Variants in PCA3 observed in about 807,000 individuals in gnomAD.
PCA3 encodes prostate cancer associated 3.
At chr9:76,785,342 G>A (rs952999901) in intron 2 of PCA3, 2 of 152,188 alleles carry the variant, frequency 1.3e-5, no homozygotes, top group Non-Finnish European at 2.9e-5. Context: ...AGTGTAATTT[G>A]ATTATAAGAG....
chr9:76,766,947 ATTGT>A (rs1340543970), intron 2 of PCA3, among the ~76,000 whole-genome samples: 2 of 151,844 alleles, frequency 1.3e-5, no homozygotes, highest in African/African-American at 2.4e-5. Context: ...TTCCTTATTT[ATTGT>A]TTATCATCTA....
chr9:76,786,672 C>T (rs1018295470), intron 2 of PCA3: 13 of 152,262 alleles, frequency 8.5e-5, no homozygotes, highest in African/African-American at 3.1e-4. Flanking sequence ...ATCCCCACCA[C>T]TAACCTGAAT....
At chr9:76,773,625 G>A (rs748399706) in intron 2 of PCA3, among the ~76,000 whole-genome samples, 27 of 151,970 alleles carry the variant, frequency 1.8e-4, no homozygotes, top group Non-Finnish European at 3.4e-4. Context: ...TGTACTTTTA[G>A]TACAGGAGGG....
chr9:76,774,269 G>A (rs1039646956), intron 2 of PCA3, among the ~76,000 whole-genome samples: 3 of 151,654 alleles, frequency 2.0e-5, no homozygotes, highest in African/African-American at 7.3e-5. Flanking sequence ...CTGAGTAAGT[G>A]GGACTACAGG....
At chr9:76,772,414 T>C (rs915811133) in intron 2 of PCA3, among the ~76,000 whole-genome samples, 5 of 152,160 alleles carry the variant, frequency 3.3e-5, no homozygotes, top group African/African-American at 1.2e-4. Context: ...GCATAACCAA[T>C]CACTTGCTAC....
chr9:76,783,853 C>T (rs1280741576), intron 2 of PCA3: 1 of 152,114 alleles, frequency 6.6e-6, no homozygotes, highest in Non-Finnish European at 1.5e-5. Flanking sequence ...CTTTAAATAT[C>T]CACACACACA....
intron 2 of PCA3, among the ~76,000 whole-genome samples, chr9:76,767,898 AC>A (rs1022405172): frequency 6.6e-6 from 1 of 152,104 alleles, no homozygotes; most frequent in Non-Finnish European, 1.5e-5. Flanking sequence ...TGGCTTCCTA[AC>A]CCTCTTGGTT....
chr9:76,770,698 A>C (rs1457732756), intron 2 of PCA3, among the ~76,000 whole-genome samples: 1 of 152,188 alleles, frequency 6.6e-6, no homozygotes, highest in African/African-American at 2.4e-5. Flanking sequence ...TGCTGATATG[A>C]TATTTTCTTT....
At chr9:76,784,566 T>C (rs141167545) in intron 2 of PCA3, 1 of 152,306 alleles carries the variant, frequency 6.6e-6, no homozygotes, top group Non-Finnish European at 1.5e-5. Flanking sequence ...TCTCCATATA[T>C]CCAGCCACAC....
At chr9:76,770,444 C>G (rs569144712) in intron 2 of PCA3, among the ~76,000 whole-genome samples, 4 of 152,138 alleles carry the variant, frequency 2.6e-5, no homozygotes, top group Non-Finnish European at 5.9e-5. Context: ...ATGTTAATGG[C>G]TTTTTCAAAT....
chr9:76,783,653 G>T (rs879774664), intron 2 of PCA3: 3 of 151,962 alleles, frequency 2.0e-5, no homozygotes, highest in Non-Finnish European at 4.4e-5. Context: ...CAAGTTCAGG[G>T]TATGCTGACA....
At chr9:76,769,498 TCG>T (rs2052842220) in intron 2 of PCA3, among the ~76,000 whole-genome samples, 1 of 42,700 alleles carries the variant, frequency 2.3e-5, no homozygotes, top group Non-Finnish European at 4.7e-5. Flanking sequence ...TCTCGGCTCG[TCG>T]TCGCAACCTC....
At chr9:76,769,778 T>C (rs2052890138) in intron 2 of PCA3, among the ~76,000 whole-genome samples, 1 of 152,232 alleles carries the variant, frequency 6.6e-6, no homozygotes, top group Admixed American at 6.5e-5. Context: ...AAAGTAGGCT[T>C]GCTGGATAAA....
intron 2 of PCA3, among the ~76,000 whole-genome samples, chr9:76,781,972 T>C (rs1479041161): frequency 6.6e-6 from 1 of 152,076 alleles, no homozygotes; most frequent in Non-Finnish European, 1.5e-5. Flanking sequence ...CCCAGCACTT[T>C]GGGAGGCCGA....
chr9:76,768,372 T>C (rs966728154), intron 2 of PCA3, among the ~76,000 whole-genome samples: 92 of 152,030 alleles, frequency 6.1e-4, no homozygotes, highest in African/African-American at 2.2e-3. Flanking sequence ...TTTGTATTTT[T>C]AGTAGTGACG....
At chr9:76,772,780 T>C (rs181323736) in intron 2 of PCA3, among the ~76,000 whole-genome samples, 3 of 152,112 alleles carry the variant, frequency 2.0e-5, no homozygotes, top group Admixed American at 2.0e-4. Flanking sequence ...CCCAGGCTGG[T>C]CTCAAACTCC....
chr9:76,779,735 A>C (rs1326828988), intron 2 of PCA3: 1 of 152,222 alleles, frequency 6.6e-6, no homozygotes, highest in Non-Finnish European at 1.5e-5. Flanking sequence ...ACAGTTCATC[A>C]ACTTCTCAGC....
chr9:76,778,439 T>C (rs1270181320), intron 2 of PCA3: 2 of 152,250 alleles, frequency 1.3e-5, no homozygotes, highest in African/African-American at 2.4e-5. Flanking sequence ...GGATGCCTGA[T>C]GATGAAGTGG....
chr9:76,779,459 G>A (rs2054142441), intron 2 of PCA3, among the ~76,000 whole-genome samples: 1 of 152,188 alleles, frequency 6.6e-6, no homozygotes, highest in Non-Finnish European at 1.5e-5. Flanking sequence ...CTTATGGGAT[G>A]CACTTATGAA....
Sources: gnomAD v4.1 joint callset for allele counts (sites outside exome capture counted in the v4.1 genomes callset) on GRCh38, gnomAD v4.1.1 for gene constraint, MANE v1.5 for transcripts, NCBI Gene and HGNC (gene_info 2026-07-23, HGNC 2026-07-21) for gene names.